Variants in POLQ observed in about 807,000 individuals in gnomAD.
POLQ encodes epididymis secretory sperm binding protein.
In POLQ, 233 loss-of-function variants were observed where a neutral mutation model predicts 259.2. The ratio of observed to expected loss-of-function variants is 0.90; its 90% confidence interval spans 0.81 to 1.00. The LOEUF (loss-of-function observed/expected upper bound fraction) is 1.00, where lower values mean the gene tolerates loss of function less well. Among genes scored for constraint, POLQ ranks in the 50% least tolerant of loss-of-function variants. The pLI is 0.00. For missense variants in POLQ, 2,871 were observed against 3,051.6 expected, an observed-to-expected ratio of 0.94 and a Z score of 1.39; for synonymous variants, 1,025 against 1,048.8, an observed-to-expected ratio of 0.98 and a Z score of 0.44.
At chr3:121,465,049 G>A (rs1323835582) in intron 24 of POLQ, among the ~76,000 whole-genome samples, 1 of 151,434 alleles carries the variant, frequency 6.6e-6, no homozygotes, top group Non-Finnish European at 1.5e-5. Flanking sequence ...ATGAGTTTCT[G>A]GTACTCAATT....
At chr3:121,539,281 C>T (rs2048472073) in intron 4 of POLQ, 152 bp downstream of exon 4, 4 of 607,184 alleles carry the variant, frequency 6.6e-6, no homozygotes, top group Non-Finnish European at 1.1e-5. Flanking sequence ...ATAAACACAG[C>T]GTTCCTAACA....
Position 121,488,735 on chromosome 3 carries a change from T to A in POLQ, c.4196A>T (p.Lys1399Ile). 1 of 1,614,056 alleles carries A rather than the reference T, an allele frequency of 6.2e-7. No homozygotes were observed. Among genetic ancestry groups the A allele is most frequent in the Non-Finnish European group, 8.5e-7 (1 of 1,179,940 alleles). The change falls in exon 16 of 30, where the codon AAA becomes ATA. Residue 1399 changes from lysine to isoleucine, a missense_variant. By Grantham distance (102) the Lys-to-Ile change is moderately radical. This residue lies in a region of POLQ where 2,080 missense variants were observed against 2,126.0 expected (regional missense o/e 0.98). Transcript: ENST00000264233. ...AACCCCATGTGAATCACTGCTTTGT[T>A]TCATAGTACCTACAGTCTTAAGGTC... ...HLDLKTVGTMKQSSDSHGVDI... is the reference protein window; with the variant it reads ...HLDLKTVGTMIQSSDSHGVDI...
Position 121,532,998 on chromosome 3 carries a change from G to A in POLQ, c.952C>T (p.Gln318Ter), listed in dbSNP as rs2048422195. 1 of 1,598,782 alleles carries A rather than the reference G, an allele frequency of 6.3e-7. No homozygotes were observed. The highest frequency in any genetic ancestry group is 8.6e-7 in the Non-Finnish European group (1 of 1,168,028). Residue 318 changes from glutamine to a stop codon, truncating the protein, a stop_gained, in exon 6 of 30, where the codon CAA becomes TAA. Transcript: ENST00000264233. LOFTEE classifies it high-confidence loss of function. The part of the protein sequence containing the change: ...KLVREFEPML[Q>*]VKGDEDHVVS... Reference sequence around the variant, plus strand: ...TACATATATTGATTTACCTTCACTTGTAGCATGGGCTCAAATTCCCTCACA... The same window carrying A: ...TACATATATTGATTTACCTTCACTTATAGCATGGGCTCAAATTCCCTCACA...
intron 12 of POLQ, among the ~76,000 whole-genome samples, chr3:121,499,153 A>G (rs1051898120): frequency 3.0e-4 from 45 of 152,168 alleles, no homozygotes; most frequent in African/African-American, 1.0e-3. Context: ...AAAATGTCTA[A>G]CTGTGATAAT....
intron 20 of POLQ, among the ~76,000 whole-genome samples, chr3:121,473,723 A>G (rs1043166636): frequency 7.4e-6 from 1 of 134,426 alleles, no homozygotes; most frequent in Non-Finnish European, 1.6e-5. Flanking sequence ...TACTAACACA[A>G]GGCCTTTTTT....
intron 14 of POLQ, chr3:121,494,389 G>C: frequency 6.4e-7 from 1 of 1,564,378 alleles, no homozygotes; most frequent in East Asian, 2.2e-5. Context: ...CAGCTACTCA[G>C]CTGCTTAAGC....
chr3:121,524,479 T>C (rs983974092), intron 7 of POLQ, among the ~76,000 whole-genome samples: 4 of 151,990 alleles, frequency 2.6e-5, no homozygotes, highest in African/African-American at 9.7e-5. Flanking sequence ...CACTCTAGAA[T>C]CAGTAAAAAT....
chr3:121,471,685 G>A (rs903253781), intron 22 of POLQ, among the ~76,000 whole-genome samples: 2 of 152,042 alleles, frequency 1.3e-5, no homozygotes, highest in African/African-American at 4.8e-5. Context: ...GAGGTTGCAG[G>A]GAGGTGGAGG....
intron 12 of POLQ, among the ~76,000 whole-genome samples, chr3:121,507,877 G>T (rs554738342): frequency 6.6e-6 from 1 of 151,710 alleles, no homozygotes; most frequent in Non-Finnish European, 1.5e-5. Flanking sequence ...TTTAAGACAC[G>T]AGGTCTCTTG....
intron 12 of POLQ, among the ~76,000 whole-genome samples, chr3:121,501,385 C>A (rs1354070140): frequency 6.6e-6 from 1 of 151,824 alleles, no homozygotes; most frequent in Admixed American, 6.6e-5. Flanking sequence ...CTAGGCCGGG[C>A]GCGGTGGCTC....
chr3:121,457,621 GAC>G (rs1319798828), intron 25 of POLQ, among the ~76,000 whole-genome samples: 2 of 152,274 alleles, frequency 1.3e-5, no homozygotes, highest in Admixed American at 6.5e-5. Flanking sequence ...GTAGCCAAAA[GAC>G]ACATGAAAAA....
chr3:121,520,647 C>T (rs370356115), intron 8 of POLQ, among the ~76,000 whole-genome samples: 7 of 152,292 alleles, frequency 4.6e-5, no homozygotes, highest in East Asian at 1.9e-4. Context: ...AGCAGGTCTC[C>T]GCTGCAACTA....
chr3:121,491,346 C>CAAAAAAAAA (rs3045625), intron 15 of POLQ, among the ~76,000 whole-genome samples: 34 of 77,980 alleles, frequency 4.4e-4, no homozygotes, highest in Middle Eastern at 0.01. Flanking sequence ...GAGACTGTCA[C>CAAAAAAAAA]AAAAAAAAAA....
intron 25 of POLQ, among the ~76,000 whole-genome samples, chr3:121,454,968 C>T (rs1215663195): frequency 6.6e-6 from 1 of 152,094 alleles, no homozygotes; most frequent in African/African-American, 2.4e-5. Flanking sequence ...CCAAAATTGA[C>T]CACATAGTTG....
In POLQ at chr3:121,487,404, CCTT is replaced by C; in HGVS notation, c.5524_5526del (p.Lys1842del). The C allele has an allele frequency of 6.2e-7, 1 of 1,614,056 alleles. No individual in the cohort carries two copies. ...GAAAATCGCTTTTTGCACCGCCACT[CCTT>C]AATGAATGTTTGGAAAAGATTTTGG... is the stretch of plus-strand genomic sequence containing the variant. On this transcript the variant is annotated inframe_deletion, in exon 16 of 30. Transcript: ENST00000264233.
intron 12 of POLQ, among the ~76,000 whole-genome samples, chr3:121,501,695 G>T (rs1486435903): frequency 2.3e-5 from 3 of 128,334 alleles, no homozygotes; most frequent in African/African-American, 5.9e-5. Flanking sequence ...AAAAAGAAAT[G>T]CTAGCCAGGC....
chr3:121,490,515 T>A, intron 15 of POLQ, 107 bp from the exon 16 acceptor site: 3 of 876,688 alleles, frequency 3.4e-6, no homozygotes, highest in Non-Finnish European at 5.4e-6. Flanking sequence ...AAAATAACAA[T>A]GAAGAAGAGA....
intron 7 of POLQ, among the ~76,000 whole-genome samples, chr3:121,525,214 A>G (rs930217052): frequency 6.6e-6 from 1 of 151,902 alleles, no homozygotes; most frequent in African/African-American, 2.4e-5. Flanking sequence ...GGTGGTGGGC[A>G]CCTGTAGTCC....
chr3:121,489,943 T>A lies in POLQ; in HGVS notation c.2988A>T (p.Ile996=). 6.3e-7 allele frequency: 1 copy of A among 1,579,520 alleles called. No homozygotes were observed. Reference sequence around the variant, plus strand: ...GAGAGGCTCCTGGCTTCTCTTTATTTATATCTAAAGAGGCCCGTTTTCTTG... The same window carrying A: ...GAGAGGCTCCTGGCTTCTCTTTATTAATATCTAAAGAGGCCCGTTTTCTTG... The part of the protein sequence containing the change: ...FRARKRASLD[I]NKEKPGASQN... The change falls in exon 16 of 30, where the codon ATA becomes ATT. Residue 996 remains isoleucine (I), a synonymous_variant. Coordinates refer to ENST00000264233, the MANE Select transcript of POLQ (RefSeq NM_199420.4).
Sources: gnomAD v4.1 joint callset for allele counts (sites outside exome capture counted in the v4.1 genomes callset) on GRCh38, gnomAD v4.1.1 for gene constraint, gnomAD v4.1.1 regional missense constraint, MANE v1.5 for transcripts, NCBI Gene and HGNC (gene_info 2026-07-23, HGNC 2026-07-21) for gene names.